The following ARMC1 variants were observed in gnomAD, a reference collection of about 807,000 sequenced individuals.
ARMC1 encodes the protein armadillo repeat-containing protein 1.
Under a neutral mutation model 31.4 loss-of-function variants are expected in ARMC1, and 16 were observed. The ratio of observed to expected loss-of-function variants is 0.51; its 90% CI spans 0.34 to 0.77. The LOEUF (loss-of-function observed/expected upper bound fraction) is 0.77, where lower values mean the gene tolerates loss of function less well. ARMC1 is among the 30% of genes least tolerant of loss of function. The probability of loss-of-function intolerance (pLI) is 0.01; values close to 1 mark genes in which losing one functional copy is unlikely to be tolerated. For synonymous variants in ARMC1, 114 were observed against 118.9 expected (o/e 0.96, Z 0.27); for missense variants, 259 against 347.5 (o/e 0.75, Z 2.02).
chr8:65,603,277 C>T lies in ARMC1; in HGVS notation c.*1117G>A, dbSNP rs1330611044. The T allele has an allele frequency of 6.6e-6, 1 of 152,080 alleles. No individual in the cohort carries two copies. The highest frequency in any genetic ancestry group is 1.5e-5 in the Non-Finnish European group (1 of 67,994). 9.4% of individuals were successfully genotyped at this position (152,080 alleles called of 1,614,324 possible). ...ACTGAAGTTCTTTTTTCTGGCTGGACATGAGAAACAGGATTAAGTGATCAA... is the reference window on the plus strand; with the variant it reads ...ACTGAAGTTCTTTTTTCTGGCTGGATATGAGAAACAGGATTAAGTGATCAA... On this transcript the variant is annotated 3_prime_UTR_variant, in exon 7 of 7. Coordinates refer to ENST00000276569, the MANE Select transcript of ARMC1 (RefSeq NM_018120.6).
In ARMC1 at chr8:65,634,149, G is replaced by C. The variant is rs896941426; in HGVS notation, c.-187C>G. 2.6e-5 allele frequency: 4 copies of C among 152,336 alleles called. No individual in the cohort carries two copies. Among genetic ancestry groups the C allele is most frequent in the African/African-American group, 9.6e-5 (4 of 41,484 alleles). The allele number at this position is 152,336 out of a possible 1,614,324, so 9.4% of individuals were successfully genotyped here. On this transcript the variant is annotated 5_prime_UTR_variant, in exon 1 of 7. Transcript: ENST00000276569. Reference sequence around the variant, plus strand: ...AACCGGACTAACTCAGGGAGCCAAAGAGCGAAGGCGCTGGCGGGCAAAGGC... The same window carrying C: ...AACCGGACTAACTCAGGGAGCCAAACAGCGAAGGCGCTGGCGGGCAAAGGC...
chr8:65,623,385 G>A (rs1383800504), intron 2 of ARMC1, among the ~76,000 whole-genome samples: 2 of 148,254 alleles, frequency 1.3e-5, no homozygotes, highest in Admixed American at 6.9e-5. Context: ...AAGGCAGGCC[G>A]ATCACTTAAG....
chr8:65,622,860 G>A (rs990573801), intron 2 of ARMC1, among the ~76,000 whole-genome samples: 3 of 151,942 alleles, frequency 2.0e-5, no homozygotes, highest in East Asian at 1.9e-4. Context: ...ACAAAAATTA[G>A]CTGGATGTGG....
At position 65,620,294 on chromosome 8, in the gene ARMC1, C is replaced by CT. The variant is rs755112362; in HGVS notation, c.275+1968dup. 7.1e-3 allele frequency among the ~76,000 whole-genome samples: 643 copies of CT among 90,136 alleles called. 2 individuals carry two copies. Among genetic ancestry groups the CT allele is most frequent in the Non-Finnish European group, 9.3e-3 (450 of 48,392 alleles). The allele number at this position is 90,136 out of a possible 152,430, so 59.1% of individuals were successfully genotyped here. On this transcript the variant is annotated intron_variant, in intron 3 of 6. Coordinates refer to ENST00000276569, the MANE Select transcript of ARMC1 (RefSeq NM_018120.6). ...TTTTAATTAATTATTATTATTATTA[C>CT]TTTTTTTTTTTTTTTTTTTTTTTTT...
At chr8:65,609,814 C>T (rs1382605380) in intron 4 of ARMC1, among the ~76,000 whole-genome samples, 8 of 134,960 alleles carry the variant, frequency 5.9e-5, no homozygotes, top group Non-Finnish European at 9.2e-5. Context: ...GCCGAGATCA[C>T]GACACTGCAC....
chr8:65,617,928 A>G (rs990005781), intron 3 of ARMC1, among the ~76,000 whole-genome samples: 1 of 146,556 alleles, frequency 6.8e-6, no homozygotes, highest in African/African-American at 2.5e-5. Context: ...GCGGGGGGGG[A>G]GGGAGCAGAC....
At chr8:65,616,688 G>A (rs1302593952) in intron 3 of ARMC1, among the ~76,000 whole-genome samples, 1 of 151,500 alleles carries the variant, frequency 6.6e-6, no homozygotes, top group Non-Finnish European at 1.5e-5. Context: ...AGGAAGTGAG[G>A]AGCGTCTCTG....
intron 1 of ARMC1, among the ~76,000 whole-genome samples, chr8:65,633,391 G>A (rs940147566): frequency 2.6e-5 from 4 of 152,168 alleles, no homozygotes; most frequent in African/African-American, 9.7e-5. Flanking sequence ...ACAATCCTCA[G>A]CGGTTATCAG....
rs573618954 is a variant in ARMC1, at chr8:65,604,302, T to C, written c.*92A>G. The C allele has an allele frequency of 1.1e-5, 14 of 1,249,896 alleles. No homozygotes were observed. The highest frequency in any genetic ancestry group is 9.2e-5 in the Admixed American group (4 of 43,564). 77.4% of individuals were successfully genotyped at this position (1,249,896 alleles called of 1,614,324 possible). A position where few individuals can be genotyped will look rare whatever the true frequency, so the allele number is the denominator to read the frequency against. On this transcript the variant is annotated 3_prime_UTR_variant, in exon 7 of 7. Transcript: ENST00000276569. ...CGTGTAATCTAAAAACTTTTCATGA[T>C]AACTTATTGCAAATTGCACTTGACA... is the stretch of plus-strand genomic sequence containing the variant.
intron 4 of ARMC1, among the ~76,000 whole-genome samples, chr8:65,609,871 A>AAAG (rs1808088800): frequency 1.3e-4 from 3 of 23,880 alleles, no homozygotes; most frequent in Non-Finnish European, 2.6e-4. Flanking sequence ...AAAAAAAAAA[A>AAAG]AAAAAGAAAA....
rs527917277 is a variant in ARMC1 at position 65,627,385 on chromosome 8, G to A, written c.14C>T (p.Thr5Ile). 6.3e-7 allele frequency: 1 copy of A among 1,578,628 alleles called. No individual in the cohort carries two copies. Among genetic ancestry groups the A allele is most frequent in the Non-Finnish European group, 8.6e-7 (1 of 1,161,826 alleles). Reference sequence around the variant, plus strand: ...GTCAGGCTCTTCACTCATGGTGGAAGTGGAAGAATTCATCTTCTATGCCAT... The same window carrying A: ...GTCAGGCTCTTCACTCATGGTGGAAATGGAAGAATTCATCTTCTATGCCAT... MNSS[T>I]STMSEEPDAL... is the part of the protein sequence containing the mutation. Residue 5 changes from threonine to isoleucine, a missense_variant, in exon 2 of 7, where the codon ACT becomes ATT. Thr to Ile is a moderately conservative substitution (Grantham distance 89, BLOSUM62 -1). Coordinates refer to ENST00000276569, the MANE Select transcript of ARMC1 (RefSeq NM_018120.6).
Position 65,611,742 on chromosome 8 carries a change from T to C in ARMC1, c.465+1502A>G, listed in dbSNP as rs191033611. 1.6e-3 allele frequency among the ~76,000 whole-genome samples: 237 copies of C among 152,256 alleles called. 1 individual carries two copies. The highest frequency in any genetic ancestry group is 2.9e-3 in the Non-Finnish European group (196 of 68,016). ...AATTTCAGCTACATTTTCATGTATATATCACTTTCACTTTTATTACACTTT... is the reference window on the plus strand; with the variant it reads ...AATTTCAGCTACATTTTCATGTATACATCACTTTCACTTTTATTACACTTT... On this transcript the variant is annotated intron_variant, in intron 4 of 6. Coordinates refer to ENST00000276569, the MANE Select transcript of ARMC1 (RefSeq NM_018120.6).
rs773787909 is a variant in ARMC1 at position 65,627,392 on chromosome 8, A to T, written c.7T>A (p.Ser3Thr). The stretch of plus-strand genomic sequence containing the variant: ...TCTTCACTCATGGTGGAAGTGGAAG[A>T]ATTCATCTTCTATGCCATGCACATG... MN[S>T]STSTMSEEPD... The change falls in exon 2 of 7, where the codon TCT (serine) becomes ACT (threonine). Residue 3 changes from serine to threonine, a missense_variant. This residue lies in a region of ARMC1 where 163 missense variants were observed against 186.7 expected (regional missense o/e 0.87). Coordinates refer to ENST00000276569, the MANE Select transcript of ARMC1 (RefSeq NM_018120.6). 4.6e-5 allele frequency: 72 copies of T among 1,576,686 alleles called. No homozygotes were observed. The highest frequency in any genetic ancestry group is 5.9e-5 in the Non-Finnish European group (69 of 1,160,490).
In ARMC1 at chr8:65,627,296, C is replaced by G. The variant is rs774241744; in HGVS notation, c.103G>C (p.Val35Leu). Residue 35 changes from valine to leucine, a missense_variant, in exon 2 of 7, where the codon GTC becomes CTC. Physicochemically the swap from Val to Leu is conservative, Grantham distance 32. Coordinates refer to ENST00000276569, the MANE Select transcript of ARMC1 (RefSeq NM_018120.6). The stretch of plus-strand genomic sequence containing the variant: ...CCAGGCAGACATCCCTGATCCTGGA[C>G]GATGGCTCTTCTGTTTAACGGATCT... Reference protein sequence around the residue: ...AADPLNRRAIVQDQGCLPGLI... With the variant: ...AADPLNRRAILQDQGCLPGLI... The G allele has an allele frequency of 6.2e-7, 1 of 1,613,402 alleles. No individual in the cohort carries two copies. The highest frequency in any genetic ancestry group is 1.1e-5 in the South Asian group (1 of 90,998).
intron 3 of ARMC1, among the ~76,000 whole-genome samples, chr8:65,615,182 T>C (rs997221778): frequency 6.6e-6 from 1 of 152,204 alleles, no homozygotes; most frequent in African/African-American, 2.4e-5. Flanking sequence ...GAGCCACTGT[T>C]GACCACAGAG....
chr8:65,617,913 T>C (rs536187379), intron 3 of ARMC1, among the ~76,000 whole-genome samples: 8 of 78,968 alleles, frequency 1.0e-4, no homozygotes, highest in Non-Finnish European at 1.9e-4. Flanking sequence ...TTAATCCTTT[T>C]TTCGGCGGGG....
intron 1 of ARMC1, among the ~76,000 whole-genome samples, chr8:65,631,297 C>G (rs1052098465): frequency 6.6e-6 from 1 of 152,126 alleles, no homozygotes; most frequent in African/African-American, 2.4e-5. Flanking sequence ...TGGCGTGGTA[C>G]GATTTCGGCT....
Position 65,604,481 on chromosome 8 carries a change from C to T in ARMC1, c.762G>A (p.Ala254=), listed in dbSNP as rs748211690. 8 of 1,613,970 alleles carry T rather than the reference C, an allele frequency of 5.0e-6. No homozygotes were observed. Among genetic ancestry groups the T allele is most frequent in the African/African-American group, 4.0e-5 (3 of 74,894 alleles). Residue 254 remains alanine, a synonymous_variant, in exon 7 of 7, where the codon GCG becomes GCA. Coordinates refer to ENST00000276569, the MANE Select transcript of ARMC1 (RefSeq NM_018120.6). ...DESPTKEQDK[A]VSRVGSHPEG... is the part of the protein sequence containing the mutation. ...CTGGGTGTGAGCCGACCCGGGACAC[C>T]GCTTTGTCCTGTTCCTTTGTGGGAC... is the stretch of plus-strand genomic sequence containing the variant.
chr8:65,630,545 G>A (rs893483806), intron 1 of ARMC1, among the ~76,000 whole-genome samples: 1 of 152,184 alleles, frequency 6.6e-6, no homozygotes, highest in Admixed American at 6.5e-5. Flanking sequence ...TCAGCCAGGC[G>A]CAGTGGCTCA....
Sources: gnomAD v4.1 joint callset for allele counts (sites outside exome capture counted in the v4.1 genomes callset) on GRCh38, gnomAD v4.1.1 for gene constraint, gnomAD v4.1.1 regional missense constraint, MANE v1.5 for transcripts, NCBI Gene and HGNC (gene_info 2026-07-23, HGNC 2026-07-21) for gene names.